FSTL4: variants seen among roughly 807,000 people sequenced by gnomAD.
FSTL4 encodes follistatin-related protein 4.
In FSTL4, 28 loss-of-function variants were observed where a neutral mutation model predicts 78.2. The observed-to-expected ratio is 0.36, with a 90% CI of 0.27 to 0.49. The LOEUF is 0.49. Among genes scored for constraint, FSTL4 ranks in the 20% least tolerant of loss-of-function variants. The pLI is 0.98. For missense variants in FSTL4, 922 were observed against 1,084.9 expected (o/e 0.85, Z 2.11); for synonymous variants, 422 against 440.5 (o/e 0.96, Z 0.53).
intron 11 of FSTL4, among the ~76,000 whole-genome samples, chr5:133,223,804 C>T (rs1751237390): frequency 6.6e-6 from 1 of 151,448 alleles, no homozygotes; most frequent in Admixed American, 6.6e-5. Flanking sequence ...ATTTAAGGTA[C>T]AGTGACTATC....
rs148389751 is a variant in FSTL4 at position 133,580,109 on chromosome 5, T to G, written c.127-12890A>C. Among the ~76,000 whole-genome samples the G allele has an allele frequency of 2.0e-3, 304 of 152,334 alleles. 1 individual carries two copies. Among genetic ancestry groups the G allele is most frequent in the Middle Eastern group, 0.01 (3 of 294 alleles). On this transcript the variant is annotated intron_variant, in intron 2 of 15. Transcript: ENST00000265342. ...CAAGACTTCCAACCAGAAACTGTCA[T>G]CTGACACAGCAATAGGTCCCCTCCC... is the stretch of plus-strand genomic sequence containing the variant.
the FSTL4 span, among the ~76,000 whole-genome samples, chr5:133,767,691 G>A: frequency 0.077 from 11,779 of 152,244 alleles, 596 homozygotes; most frequent in African/African-American, 0.14. Context: ...CCAGAACCAG[G>A]CCCCCATGAT....
intron 3 of FSTL4, among the ~76,000 whole-genome samples, chr5:133,408,321 C>T (rs796471728): frequency 9.2e-5 from 14 of 152,246 alleles, no homozygotes; most frequent in African/African-American, 3.4e-4. Context: ...GAGGGAGCTG[C>T]CAAGGTCTCT....
the FSTL4 span, among the ~76,000 whole-genome samples, chr5:133,757,707 G>A: frequency 3.9e-5 from 6 of 152,290 alleles, no homozygotes; most frequent in South Asian, 2.1e-4. Context: ...CTTGGAATGC[G>A]AGGCAGTGAA....
the FSTL4 span, chr5:133,720,352 G>A: frequency 6.6e-6 from 1 of 152,132 alleles, no homozygotes; most frequent in African/African-American, 2.4e-5. Flanking sequence ...ATCTGAGGTG[G>A]ACTTTGCTTG....
At position 133,361,697 on chromosome 5, in the gene FSTL4, T is replaced by C. The variant is rs1561686559; in HGVS notation, c.409+39041A>G. ...TGACAAGTTTCTCCCTCTAAGACAG[T>C]GGTTCTAAGTGGGGCAGAACTGCCT... On this transcript the variant is annotated intron_variant, in intron 4 of 15. Coordinates refer to ENST00000265342, the MANE Select transcript of FSTL4 (RefSeq NM_015082.2). The surrounding 1 kb of genome is among the most constrained non-coding windows in gnomAD (Gnocchi z 4.3). Among the ~76,000 whole-genome samples, 1 of 152,192 alleles carries C rather than the reference T, an allele frequency of 6.6e-6. No individual in the cohort carries two copies. The highest frequency in any genetic ancestry group is 1.5e-5 in the Non-Finnish European group (1 of 68,026).
chr5:133,240,547 G>A (rs1267973356), intron 7 of FSTL4, among the ~76,000 whole-genome samples: 3 of 152,204 alleles, frequency 2.0e-5, no homozygotes, highest in Admixed American at 2.0e-4. Flanking sequence ...TGTGGGGAGA[G>A]CACCTGGTTC....
the FSTL4 span, among the ~76,000 whole-genome samples, chr5:133,742,988 A>G: frequency 6.6e-6 from 1 of 152,192 alleles, no homozygotes; most frequent in Admixed American, 6.5e-5. Flanking sequence ...ATTCTCTGAG[A>G]TTAGCAAAGA....
the FSTL4 span, among the ~76,000 whole-genome samples, chr5:133,705,869 G>GCACA: frequency 0.2 from 30,144 of 147,766 alleles, 4,217 homozygotes; most frequent in African/African-American, 0.41. Flanking sequence ...ACACACACAC[G>GCACA]CACACACACA....
At chr5:133,721,800 G>C in the FSTL4 span, among the ~76,000 whole-genome samples, 1 of 152,134 alleles carries the variant, frequency 6.6e-6, no homozygotes, top group Non-Finnish European at 1.5e-5. Context: ...TGAGCATCAT[G>C]AATTTGGATG....
At chr5:133,779,917 G>A in the FSTL4 span, among the ~76,000 whole-genome samples, 1 of 152,184 alleles carries the variant, frequency 6.6e-6, no homozygotes, top group Non-Finnish European at 1.5e-5. Context: ...AGCCAGAAGG[G>A]AGGTGAGCAA....
chr5:133,619,449 A>G, the FSTL4 span, among the ~76,000 whole-genome samples: 15 of 152,216 alleles, frequency 9.9e-5, no homozygotes, highest in Non-Finnish European at 1.9e-4. Context: ...GTCGAAATGT[A>G]AATAAAAACC....
intron 4 of FSTL4, among the ~76,000 whole-genome samples, chr5:133,335,587 C>A (rs1446705328): frequency 6.6e-6 from 1 of 151,846 alleles, no homozygotes; most frequent in Non-Finnish European, 1.5e-5. Context: ...CTGAAATGTC[C>A]CCCTATCAAC....
intron 7 of FSTL4, among the ~76,000 whole-genome samples, chr5:133,249,178 G>A (rs1478379156): frequency 6.6e-6 from 1 of 152,176 alleles, no homozygotes; most frequent in Non-Finnish European, 1.5e-5. Flanking sequence ...CCCACCCATC[G>A]CATCTCTCTT....
At chr5:133,735,361 G>A in the FSTL4 span, among the ~76,000 whole-genome samples, 1 of 152,170 alleles carries the variant, frequency 6.6e-6, no homozygotes, top group Non-Finnish European at 1.5e-5. Context: ...TTATTCAGGA[G>A]GCTGAGGCAG....
the FSTL4 span, among the ~76,000 whole-genome samples, chr5:133,685,292 G>A: frequency 0.4 from 60,838 of 151,934 alleles, 12,402 homozygotes; most frequent in African/African-American, 0.47. Context: ...TTCCCCATTC[G>A]ATTCAAGGTT....
At chr5:133,841,638 GGC>G in the FSTL4 span, among the ~76,000 whole-genome samples, 1 of 152,178 alleles carries the variant, frequency 6.6e-6, no homozygotes, top group Non-Finnish European at 1.5e-5. Context: ...AGGACGGTAA[GGC>G]TCAGAGGGGC....
At chr5:133,751,482 A>G in the FSTL4 span, among the ~76,000 whole-genome samples, 9 of 152,210 alleles carry the variant, frequency 5.9e-5, no homozygotes, top group Non-Finnish European at 1.2e-4. Context: ...CTAGTGTTCA[A>G]TGGAAGAGTT....
chr5:133,465,414 G>T (rs550177260), intron 3 of FSTL4, among the ~76,000 whole-genome samples: 3 of 152,182 alleles, frequency 2.0e-5, no homozygotes, highest in Non-Finnish European at 4.4e-5. Context: ...GTATTATCTT[G>T]TTACTTTCCC....
Sources: allele counts gnomAD v4.1 joint callset (sites outside exome capture counted in the v4.1 genomes callset), GRCh38; gene constraint gnomAD v4.1.1; non-coding constraint Gnocchi (gnomAD v3.1); transcripts MANE v1.5; gene names NCBI Gene and HGNC (gene_info 2026-07-23, HGNC 2026-07-21).